Variants in ICAM5 observed in about 807,000 individuals in gnomAD.
ICAM5 encodes ICAM-5.
A neutral mutation model predicts 78.8 loss-of-function variants in ICAM5; 38 were observed. The ratio of observed to expected loss-of-function variants is 0.48; its 90% CI spans 0.37 to 0.63. ICAM5 has a LOEUF of 0.63. ICAM5 is among the 30% of genes least tolerant of loss of function. The probability of loss-of-function intolerance (pLI) is 0.00; values close to 1 mark genes in which losing one functional copy is unlikely to be tolerated. For missense variants in ICAM5, 1,059 were observed against 1,303.0 expected, an observed-to-expected ratio of 0.81 and a Z score of 2.88; for synonymous variants, 544 against 590.9, an observed-to-expected ratio of 0.92 and a Z score of 1.15.
At position 10,293,150 on chromosome 19, in the gene ICAM5, C is replaced by G. The variant is rs775952822; in HGVS notation, c.1369C>G (p.Leu457Val). Residue 457 changes from leucine (L) to valine (V), a missense_variant, in exon 6 of 11, where the codon CTG becomes GTG. Leu to Val is a conservative substitution (Grantham distance 32). Around this residue, in one of 3 missense-constraint regions of ICAM5, gnomAD observed 815 missense variants for 952.8 expected, o/e 0.86. Coordinates refer to ENST00000221980, the MANE Select transcript of ICAM5 (RefSeq NM_003259.4). The surrounding 1 kb of genome is among the most constrained non-coding windows in gnomAD (Gnocchi z 5.0). ...DGGAVLALGLLGPVTRALSGT... is the reference protein window; with the variant it reads ...DGGAVLALGLVGPVTRALSGT... Reference sequence around the variant, plus strand: ...CGGGGCCGTGCTGGCTCTGGGCCTGCTGGGTCCAGTCACTCGGGCGCTCTC... The same window carrying G: ...CGGGGCCGTGCTGGCTCTGGGCCTGGTGGGTCCAGTCACTCGGGCGCTCTC... 1.6e-5 allele frequency: 26 copies of G among 1,611,120 alleles called. 1 individual carries two copies. The highest frequency in any genetic ancestry group is 2.7e-5 in the African/African-American group (2 of 74,902).
Position 10,293,619 on chromosome 19 carries a change from C to A in ICAM5, c.1466-79C>A. 6.5e-7 allele frequency: 1 copy of A among 1,542,158 alleles called. No individual in the cohort carries two copies. Among genetic ancestry groups the A allele is most frequent in the Non-Finnish European group, 8.8e-7 (1 of 1,140,688 alleles). ...ATGCAGGGACAACACTTCGTGGAAG[C>A]CTTGCCGCGCCAAGGAGGGTCTAGG... On this transcript the variant is annotated intron_variant, in intron 6 of 10. Coordinates refer to ENST00000221980, the MANE Select transcript of ICAM5 (RefSeq NM_003259.4). The surrounding 1 kb of genome is among the most constrained non-coding windows in gnomAD (Gnocchi z 5.0).
rs772732398 is a variant in ICAM5 at position 10,294,292 on chromosome 19, C to T, written c.1964C>T (p.Ala655Val). The change falls in exon 8 of 11, where the codon GCC (alanine) becomes GTC (valine). Residue 655 changes from alanine (A) to valine (V), a missense_variant. Ala to Val is a moderately conservative substitution (Grantham distance 64, BLOSUM62 0). Coordinates refer to ENST00000221980, the MANE Select transcript of ICAM5 (RefSeq NM_003259.4). This position sits in a 1 kb window ranked among gnomAD's most constrained non-coding sequence, Gnocchi z 7.7. Reference sequence around the variant, plus strand: ...GCCACCAACCGCCACGGCTCCGTGGCCAAAACAGTCGTCGTGAGCGCGGAG... The same window carrying T: ...GCCACCAACCGCCACGGCTCCGTGGTCAAAACAGTCGTCGTGAGCGCGGAG... Reference protein sequence around the residue: ...CNATNRHGSVAKTVVVSAESP... With the variant: ...CNATNRHGSVVKTVVVSAESP... 6.2e-7 allele frequency: 1 copy of T among 1,613,048 alleles called. No individual in the cohort carries two copies.
rs2040193482 is a variant in ICAM5 at position 10,293,510 on chromosome 19, G to A, written c.1466-188G>A. 6.6e-6 allele frequency among the ~76,000 whole-genome samples: 1 copy of A among 152,186 alleles called. No homozygotes were observed. Among genetic ancestry groups the A allele is most frequent in the African/African-American group, 2.4e-5 (1 of 41,446 alleles). On this transcript the variant is annotated intron_variant, in intron 6 of 10. Transcript: ENST00000221980. The surrounding 1 kb of genome is among the most constrained non-coding windows in gnomAD (Gnocchi z 5.0). ...GTGTTTAAGTTTTTAGACGAAAAAG[G>A]CGCCACTGGTGGCTCAGGAAGCTCC...
Position 10,293,119 on chromosome 19 carries a change from C to A in ICAM5, c.1338C>A (p.Ser446=). The change falls in exon 6 of 11, where the codon TCC becomes TCA. Residue 446 remains serine (S), a synonymous_variant. Coordinates refer to ENST00000221980, the MANE Select transcript of ICAM5 (RefSeq NM_003259.4). The surrounding 1 kb of genome is among the most constrained non-coding windows in gnomAD (Gnocchi z 5.0). The part of the protein sequence containing the change: ...NPEPSVHCAR[S]DGGAVLALGL... ...AACCCTCAGTGCACTGTGCGCGCTC[C>A]GACGGCGGGGCCGTGCTGGCTCTGG... 1 of 1,609,296 alleles carries A rather than the reference C, an allele frequency of 6.2e-7. No individual in the cohort carries two copies. The highest frequency in any genetic ancestry group is 2.2e-5 in the East Asian group (1 of 44,798).
At chr19:10,295,169 A>C (rs1444033524) in intron 9 of ICAM5, among the ~76,000 whole-genome samples, 177 bp from the exon 10 acceptor site, 1 of 152,162 alleles carries the variant, frequency 6.6e-6, no homozygotes, top group Non-Finnish European at 1.5e-5. Context: ...AAGGGCGAGG[A>C]ATTTTAGCCG....
rs762946340 is a variant in ICAM5, at chr19:10,293,840, C to T, written c.1608C>T (p.Ile536=). Residue 536 remains isoleucine (I), a synonymous_variant, in exon 7 of 11, where the codon ATC becomes ATT. Transcript: ENST00000221980. This position sits in a 1 kb window ranked among gnomAD's most constrained non-coding sequence, Gnocchi z 5.0. ...GCTCTGGAGAACTCGGGGCCGTCAT[C>T]GAGGGGCTGTTGCGTGTGGCCCGGG... ...CVRSGELGAV[I]EGLLRVAREH... 1.2e-6 allele frequency: 2 copies of T among 1,612,852 alleles called. No individual in the cohort carries two copies. Among genetic ancestry groups the T allele is most frequent in the South Asian group, 2.2e-5 (2 of 91,088 alleles).
At position 10,293,958 on chromosome 19, in the gene ICAM5, C is replaced by G. The variant is rs766699029; in HGVS notation, c.1711+15C>G. 26 of 1,609,950 alleles carry G rather than the reference C, an allele frequency of 1.6e-5. No individual in the cohort carries two copies. Among genetic ancestry groups the G allele is most frequent in the Non-Finnish European group, 2.2e-5 (26 of 1,177,572 alleles). ...CACGGTGGAATGTGAGTAGGGGCAC[C>G]GCGGAGTTAGGCAGGATCTGTGGGA... On this transcript the variant is annotated intron_variant, in intron 7 of 10. Transcript: ENST00000221980. This position sits in a 1 kb window ranked among gnomAD's most constrained non-coding sequence, Gnocchi z 5.0.
At chr19:10,292,411 G>A (rs1335059186) in intron 4 of ICAM5, 89 bp downstream of exon 4, 5 of 1,450,468 alleles carry the variant, frequency 3.4e-6, no homozygotes, top group South Asian at 1.3e-5. Context: ...CCTCAGTACC[G>A]GAACAGGCGT....
At chr19:10,292,353 C>T (rs534108960) in intron 4 of ICAM5, 31 bp downstream of exon 4, 7 of 1,551,678 alleles carry the variant, frequency 4.5e-6, no homozygotes, top group Non-Finnish European at 6.1e-6. Context: ...TCCGCGGCTC[C>T]GAGGTGGGAC....
Position 10,290,093 on chromosome 19 carries a change from C to A in ICAM5, c.50C>A (p.Ala17Asp). The A allele has an allele frequency of 6.5e-7, 1 of 1,541,462 alleles. No homozygotes were observed. The highest frequency in any genetic ancestry group is 8.7e-7 in the Non-Finnish European group (1 of 1,143,594). The part of the protein sequence containing the change: ...GLRRALLGLW[A>D]ALGLGLFGLS... ...CGCCGGGCGCTACTCGGCCTCTGGG[C>A]TGCTCTGGGCCTGGGGCTCTTCGGC... The change falls in exon 1 of 11, where the codon GCT becomes GAT. Residue 17 changes from alanine (A) to aspartate (D), a missense_variant. This residue lies in a region of ICAM5 where 815 missense variants were observed against 952.8 expected (regional missense o/e 0.86). Coordinates refer to ENST00000221980, the MANE Select transcript of ICAM5 (RefSeq NM_003259.4). This position sits in a 1 kb window ranked among gnomAD's most constrained non-coding sequence, Gnocchi z 5.7.
In ICAM5 at chr19:10,292,731, G is replaced by C; in HGVS notation, c.1081G>C (p.Val361Leu). 1.2e-6 allele frequency: 2 copies of C among 1,613,370 alleles called. No individual in the cohort carries two copies. The highest frequency in any genetic ancestry group is 1.7e-6 in the Non-Finnish European group (2 of 1,179,962). Residue 361 changes from valine to leucine, a missense_variant, in exon 5 of 11, where the codon GTC (valine) becomes CTC (leucine). Coordinates refer to ENST00000221980, the MANE Select transcript of ICAM5 (RefSeq NM_003259.4). The stretch of plus-strand genomic sequence containing the variant: ...CACACTGGAGGGAGTTCCAGCCGCG[G>C]TCCCGGGGCAGCCCGCCCAGCTTCA... The part of the protein sequence containing the change: ...LVTLEGVPAA[V>L]PGQPAQLQLN...
Position 10,290,829 on chromosome 19 carries a change from T to C in ICAM5, c.83-243T>C. Reference sequence around the variant, plus strand: ...CCCTCCCCCCATGCTTTCCCGCCGCTCCATCGGCGCTTTGGAGACCATGGC... The same window carrying C: ...CCCTCCCCCCATGCTTTCCCGCCGCCCCATCGGCGCTTTGGAGACCATGGC... On this transcript the variant is annotated intron_variant, in intron 1 of 10. Transcript: ENST00000221980. The surrounding 1 kb of genome is among the most constrained non-coding windows in gnomAD (Gnocchi z 5.7). 1 of 581,314 alleles carries C rather than the reference T, an allele frequency of 1.7e-6. No homozygotes were observed. The highest frequency in any genetic ancestry group is 3.1e-5 in the Admixed American group (1 of 32,698). The allele number at this position is 581,314 out of a possible 1,614,324, so 36.0% of individuals were successfully genotyped here. A position where few individuals can be genotyped will look rare whatever the true frequency, so the allele number is the denominator to read the frequency against.
At position 10,292,332 on chromosome 19, in the gene ICAM5, GA is replaced by G. The variant is rs1325794782; in HGVS notation, c.961+11del. The G allele has an allele frequency of 6.3e-7, 1 of 1,580,248 alleles. No individual in the cohort carries two copies. Among genetic ancestry groups the G allele is most frequent in the Admixed American group, 1.8e-5 (1 of 55,204 alleles). On this transcript the variant is annotated intron_variant, in intron 4 of 10. Transcript: ENST00000221980. ...AACGTGACCATCTACAGTAAGGAAG[GA>G]GGCGGGGTCTCCGCGGCTCCGAGGT...
chr19:10,295,805 C>T (rs1053065646), intron 10 of ICAM5, among the ~76,000 whole-genome samples, 193 bp downstream of exon 10: 18 of 152,126 alleles, frequency 1.2e-4, no homozygotes, highest in Non-Finnish European at 2.9e-5. Context: ...ATGGAGGTGG[C>T]AGGGGGACTG....
chr19:10,292,770 G>T lies in ICAM5; in HGVS notation c.1120G>T (p.Glu374Ter). The stretch of plus-strand genomic sequence containing the variant: ...CGCCCAGCTTCAGCTAAATGCCACC[G>T]AGAACGACGACAGACGCAGCTTCTT... ...QPAQLQLNAT[E>*]NDDRRSFFCD... The change falls in exon 5 of 11, where the codon GAG becomes TAG. Residue 374 changes from glutamate to a stop codon, truncating the protein, a stop_gained. Coordinates refer to ENST00000221980, the MANE Select transcript of ICAM5 (RefSeq NM_003259.4). LOFTEE classifies it high-confidence loss of function. The T allele has an allele frequency of 6.2e-7, 1 of 1,613,406 alleles. No individual in the cohort carries two copies. The highest frequency in any genetic ancestry group is 8.5e-7 in the Non-Finnish European group (1 of 1,179,994).
At position 10,294,894 on chromosome 19, in the gene ICAM5, C is replaced by T. The variant is rs745452367; in HGVS notation, c.2230+254C>T. Reference sequence around the variant, plus strand: ...CAGCCCGGCCAACATGGCGAAAACCCGTCTCTACAAAAATTAGCCGGTCGT... The same window carrying T: ...CAGCCCGGCCAACATGGCGAAAACCTGTCTCTACAAAAATTAGCCGGTCGT... On this transcript the variant is annotated intron_variant, in intron 9 of 10. Transcript: ENST00000221980. This position sits in a 1 kb window ranked among gnomAD's most constrained non-coding sequence, Gnocchi z 7.7. 6.6e-6 allele frequency among the ~76,000 whole-genome samples: 1 copy of T among 152,060 alleles called. No individual in the cohort carries two copies. Among genetic ancestry groups the T allele is most frequent in the Non-Finnish European group, 1.5e-5 (1 of 68,006 alleles).
At chr19:10,295,130 TG>T (rs1191615926) in intron 9 of ICAM5, among the ~76,000 whole-genome samples, 1 of 152,192 alleles carries the variant, frequency 6.6e-6, no homozygotes, top group Admixed American at 6.6e-5. Flanking sequence ...AACACTGACC[TG>T]GGCTTCACCT....
In ICAM5 at chr19:10,292,698, G is replaced by A. The variant is rs1233869798; in HGVS notation, c.1048G>A (p.Ala350Thr). The A allele has an allele frequency of 6.2e-7, 1 of 1,612,498 alleles. No homozygotes were observed. The highest frequency in any genetic ancestry group is 1.7e-4 in the Middle Eastern group (1 of 6,048). Residue 350 changes from alanine to threonine, a missense_variant, in exon 5 of 11, where the codon GCT (alanine) becomes ACT (threonine). Coordinates refer to ENST00000221980, the MANE Select transcript of ICAM5 (RefSeq NM_003259.4). ...AGTAACCTGCGCAGCTGGGGCCCAA[G>A]CTCTGGTCACACTGGAGGGAGTTCC... ...VTVTCAAGAQ[A>T]LVTLEGVPAA...
rs1280132033 is a variant in ICAM5 at position 10,294,731 on chromosome 19, C to T, written c.2230+91C>T. On this transcript the variant is annotated intron_variant, in intron 9 of 10. Transcript: ENST00000221980. The surrounding 1 kb of genome is among the most constrained non-coding windows in gnomAD (Gnocchi z 7.7). ...GCATTCAAGGGCACCTCTCCCAATC[C>T]CATTCTCGGGGACAGGGAATTCCAG... 8.9e-6 allele frequency: 14 copies of T among 1,567,774 alleles called. No homozygotes were observed. The African/African-American group carries it at 1.1e-4, about 12-fold the overall frequency.
Sources: gnomAD v4.1 joint callset for allele counts (sites outside exome capture counted in the v4.1 genomes callset) on GRCh38, gnomAD v4.1.1 for gene constraint, gnomAD v4.1.1 regional missense constraint, Gnocchi (gnomAD v3.1) non-coding constraint, MANE v1.5 for transcripts, NCBI Gene and HGNC (gene_info 2026-07-23, HGNC 2026-07-21) for gene names.